Variants in ANKRD33 observed in about 807,000 individuals in gnomAD.
ANKRD33 encodes ankyrin repeat domain 33.
In ANKRD33, 20 loss-of-function variants were observed where a neutral mutation model predicts 20.6. That is an observed-to-expected ratio of 0.97 (90% confidence interval 0.68 to 1.41). ANKRD33 has a LOEUF of 1.41. ANKRD33 is among the 40% of genes most tolerant of loss of function. The probability of loss-of-function intolerance (pLI) is 0.00; values close to 1 mark genes in which losing one functional copy is unlikely to be tolerated. For synonymous variants in ANKRD33, 246 were observed against 245.0 expected (o/e 1.00, Z -0.04); for missense variants, 545 against 579.6 (o/e 0.94, Z 0.61).
chr12:51,889,874 TG>T (rs1017975388), intron 4 of ANKRD33: 6 of 243,536 alleles, frequency 2.5e-5, no homozygotes, highest in Admixed American at 1.5e-4. Context: ...TAGCTTTCCC[TG>T]GGACTACCTC....
In ANKRD33 at chr12:51,891,416, G is replaced by C. The variant is rs879194294; in HGVS notation, c.*111G>C. Reference sequence around the variant, plus strand: ...CATCCACCTCTGCCTAAGTAAATCTGCTCTCAACCTATATATATACAAGGT... The same window carrying C: ...CATCCACCTCTGCCTAAGTAAATCTCCTCTCAACCTATATATATACAAGGT... On this transcript the variant is annotated 3_prime_UTR_variant, in exon 5 of 5. Transcript: ENST00000301190. 1.1e-5 allele frequency: 16 copies of C among 1,433,888 alleles called. No individual in the cohort carries two copies. The South Asian group carries it at 2.1e-4, about 19-fold the overall frequency. 88.8% of individuals were successfully genotyped at this position (1,433,888 alleles called of 1,614,324 possible).
intron 4 of ANKRD33, chr12:51,890,008 C>T (rs927874203): frequency 4.6e-6 from 1 of 218,456 alleles, no homozygotes; most frequent in Non-Finnish European, 9.3e-6. Flanking sequence ...GTTTGGGGGC[C>T]CTTCTTCCCC....
intron 2 of ANKRD33, 32 bp downstream of exon 2, chr12:51,888,850 G>A (rs1940309769): frequency 6.2e-7 from 1 of 1,609,274 alleles, no homozygotes; most frequent in Non-Finnish European, 8.5e-7. Flanking sequence ...GAACAGCTGG[G>A]GGCATCTTTG....
At position 51,890,827 on chromosome 12, in the gene ANKRD33, C is replaced by T. The variant is rs1382242102; in HGVS notation, c.881C>T (p.Pro294Leu). 6.2e-7 allele frequency: 1 copy of T among 1,611,222 alleles called. No individual in the cohort carries two copies. Among genetic ancestry groups the T allele is most frequent in the South Asian group, 1.1e-5 (1 of 91,004 alleles). The change falls in exon 5 of 5, where the codon CCC becomes CTC. Residue 294 changes from proline (P) to leucine (L), a missense_variant. Pro to Leu is a moderately conservative substitution (Grantham distance 98). Coordinates refer to ENST00000301190, the MANE Select transcript of ANKRD33 (RefSeq NM_182608.4). ...CGGCTGCAGGCTACCTTGAGCCTCC[C>T]CTTTGCCCCGTCTCCTCAGGAGGGG... ...LERLQATLSL[P>L]FAPSPQEGGV...
At position 51,891,372 on chromosome 12, in the gene ANKRD33, G is replaced by T. The variant is rs765901109; in HGVS notation, c.*67G>T. On this transcript the variant is annotated 3_prime_UTR_variant, in exon 5 of 5. Transcript: ENST00000301190. The stretch of plus-strand genomic sequence containing the variant: ...CCCTCCCAGGGCTTCTTTCCCCTCT[G>T]GAGTGCCTCCGGCCTCCCCATCCAC... The T allele has an allele frequency of 1.4e-5, 22 of 1,546,188 alleles. No homozygotes were observed. The Admixed American group carries it at 4.3e-4, about 30-fold the overall frequency.
At chr12:51,888,498 T>A in intron 1 of ANKRD33, 70 bp from the exon 2 acceptor site, 1 of 1,556,582 alleles carries the variant, frequency 6.4e-7, no homozygotes, top group Non-Finnish European at 8.7e-7. Flanking sequence ...GCTGTGCACT[T>A]CGCAGCTGCT....
intron 3 of ANKRD33, 23 bp downstream of exon 3, chr12:51,889,219 T>C: frequency 6.2e-7 from 1 of 1,614,040 alleles, no homozygotes; most frequent in Non-Finnish European, 8.5e-7. Flanking sequence ...TGCACCCCAC[T>C]TCCGACAGCC....
chr12:51,888,975 C>T (rs1940316048), intron 2 of ANKRD33, 92 bp from the exon 3 acceptor site: 1 of 1,589,436 alleles, frequency 6.3e-7, no homozygotes, highest in African/African-American at 1.3e-5. Flanking sequence ...GGGTTTGGGG[C>T]AGGCTCTGGG....
At chr12:51,889,661 A>G (rs775256178) in intron 4 of ANKRD33, 179 bp downstream of exon 4, 3 of 1,213,542 alleles carry the variant, frequency 2.5e-6, no homozygotes, top group African/African-American at 1.5e-5. Flanking sequence ...GGGGGGGCAC[A>G]TGATTTGGGC....
intron 4 of ANKRD33, chr12:51,890,308 T>C (rs1365224482): frequency 9.6e-6 from 7 of 732,974 alleles, no homozygotes; most frequent in Non-Finnish European, 6.8e-6. Context: ...GCACCGCTGC[T>C]CTGCTCAGCT....
Position 51,891,576 on chromosome 12 carries a change from A to C in ANKRD33, c.*271A>C. 4.1e-6 allele frequency: 2 copies of C among 491,764 alleles called. No individual in the cohort carries two copies. Among genetic ancestry groups the C allele is most frequent in the Non-Finnish European group, 7.0e-6 (2 of 285,052 alleles). 30.5% of individuals were successfully genotyped at this position (491,764 alleles called of 1,614,324 possible). On this transcript the variant is annotated 3_prime_UTR_variant, in exon 5 of 5. Coordinates refer to ENST00000301190, the MANE Select transcript of ANKRD33 (RefSeq NM_182608.4). ...AGAGCATACTCTACAGTGTATTCTA[A>C]AATAAGACTAAGGAAGCTGTTTATA... is the stretch of plus-strand genomic sequence containing the variant.
In ANKRD33 at chr12:51,891,135, C is replaced by T; in HGVS notation, c.1189C>T (p.Pro397Ser). ...ACCCAGGGATAGCACCAGCCCCAGG[C>T]CCCAAGTCCCCAAGATCCTCCTCTC... is the stretch of plus-strand genomic sequence containing the variant. ...LQPRDSTSPR[P>S]QVPKILLSKA... Residue 397 changes from proline to serine, a missense_variant, in exon 5 of 5, where the codon CCC becomes TCC. Physicochemically the swap from Pro to Ser is moderately conservative, Grantham distance 74. Coordinates refer to ENST00000301190, the MANE Select transcript of ANKRD33 (RefSeq NM_182608.4). 1.9e-6 allele frequency: 3 copies of T among 1,614,204 alleles called. No individual in the cohort carries two copies. The highest frequency in any genetic ancestry group is 2.5e-6 in the Non-Finnish European group (3 of 1,180,026).
At chr12:51,888,498 T>TC in intron 1 of ANKRD33, 70 bp from the exon 2 acceptor site, 2 of 1,556,582 alleles carry the variant, frequency 1.3e-6, no homozygotes, top group Non-Finnish European at 1.7e-6. Flanking sequence ...GCTGTGCACT[T>TC]CGCAGCTGCT....
rs201364500 is a variant in ANKRD33, at chr12:51,890,837, G to A, written c.891G>A (p.Pro297=). The A allele has an allele frequency of 1.7e-5, 28 of 1,611,888 alleles. No homozygotes were observed. The highest frequency in any genetic ancestry group is 1.3e-4 in the African/African-American group (10 of 75,006). ...CTACCTTGAGCCTCCCCTTTGCCCCGTCTCCTCAGGAGGGGGGTGTTCTGG... is the reference window on the plus strand; with the variant it reads ...CTACCTTGAGCCTCCCCTTTGCCCCATCTCCTCAGGAGGGGGGTGTTCTGG... ...LQATLSLPFA[P]SPQEGGVLDH... Residue 297 remains proline (P), a synonymous_variant, in exon 5 of 5, where the codon CCG becomes CCA. Transcript: ENST00000301190.
chr12:51,888,818 G>A lies in ANKRD33; in HGVS notation c.396G>A (p.Arg132=), dbSNP rs1940308718. 1.9e-6 allele frequency: 3 copies of A among 1,612,932 alleles called. No homozygotes were observed. The highest frequency in any genetic ancestry group is 2.5e-6 in the Non-Finnish European group (3 of 1,179,934). Residue 132 remains arginine (R), a splice_region_variant and synonymous_variant, in exon 2 of 5, where the codon AGG becomes AGA. Coordinates refer to ENST00000301190, the MANE Select transcript of ANKRD33 (RefSeq NM_182608.4). ...EEATQVDSNG[R]TGLMVACYHG... ...CCACCCAGGTGGACAGCAATGGGAG[G>A]GTGAGATGTCCTGGCTTCCCAGAAC...
rs1940292733 is a variant in ANKRD33, at chr12:51,888,448, C to A, written c.145+117C>A. The A allele has an allele frequency of 2.5e-6, 4 of 1,569,154 alleles. No homozygotes were observed. The African/African-American group carries it at 5.5e-5, about 22-fold the overall frequency. On this transcript the variant is annotated intron_variant, in intron 1 of 4. Coordinates refer to ENST00000301190, the MANE Select transcript of ANKRD33 (RefSeq NM_182608.4). ...TTGTCCTTTCTCAGGGTGGATGGGGCGAGACCCCTGCTGGGATAAATGTTT... is the reference window on the plus strand; with the variant it reads ...TTGTCCTTTCTCAGGGTGGATGGGGAGAGACCCCTGCTGGGATAAATGTTT...
At chr12:51,890,418 CTT>C in intron 4 of ANKRD33, 164 bp from the exon 5 acceptor site, 1 of 1,498,488 alleles carries the variant, frequency 6.7e-7, no homozygotes, top group Non-Finnish European at 9.0e-7. Context: ...CTTAATCTCT[CTT>C]AAACAGGAGG....
chr12:51,889,649 A>AGG, intron 4 of ANKRD33, 167 bp downstream of exon 4: 1 of 1,262,934 alleles, frequency 7.9e-7, no homozygotes. Flanking sequence ...ACCTTCCTGG[A>AGG]GGGGGGGGCA....
chr12:51,891,099 C>T lies in ANKRD33; in HGVS notation c.1153C>T (p.Gln385Ter). The T allele has an allele frequency of 6.2e-7, 1 of 1,614,146 alleles. No homozygotes were observed. Among genetic ancestry groups the T allele is most frequent in the Non-Finnish European group, 8.5e-7 (1 of 1,180,036 alleles). ...TCAGGGCATATTGAGCAAGTGCCTT[C>T]AGTGGCTACAACCCAGGGATAGCAC... Reference protein sequence around the residue: ...SPQGILSKCLQWLQPRDSTSP... With the variant: ...SPQGILSKCL Residue 385 changes from glutamine (Q) to a stop codon, truncating the protein, a stop_gained, in exon 5 of 5, where the codon CAG becomes TAG. Coordinates refer to ENST00000301190, the MANE Select transcript of ANKRD33 (RefSeq NM_182608.4). LOFTEE classifies it low-confidence loss of function (END_TRUNC).
Sources: gnomAD v4.1 joint callset for allele counts on GRCh38, gnomAD v4.1.1 for gene constraint, MANE v1.5 for transcripts, NCBI Gene and HGNC (gene_info 2026-07-23, HGNC 2026-07-21) for gene names.